Variants in SDR42E1 observed in about 807,000 individuals in gnomAD.
SDR42E1 encodes short chain dehydrogenase/reductase family 42E, member 1.
In SDR42E1, 5 loss-of-function variants were observed where a neutral mutation model predicts 2.6. That is an observed-to-expected ratio of 1.94 (90% CI 1.01 to 4.08). The LOEUF is 4.08. SDR42E1 is among the 30% of genes most tolerant of loss of function. The pLI is 0.00. For synonymous variants in SDR42E1, 231 were observed against 188.3 expected (o/e 1.23, Z -1.86); for missense variants, 596 against 478.6 (o/e 1.25, Z -2.29).
Position 82,001,706 on chromosome 16 carries a change from T to C in SDR42E1, c.-26-822A>G, listed in dbSNP as rs550744225. 1.2e-3 allele frequency among the ~76,000 whole-genome samples: 179 copies of C among 151,838 alleles called. 2 individuals are homozygous for C. The highest frequency in any genetic ancestry group is 4.2e-3 in the African/African-American group (173 of 41,388). On this transcript the variant is annotated intron_variant, in intron 1 of 2. Coordinates refer to ENST00000328945, the MANE Select transcript of SDR42E1 (RefSeq NM_145168.3). ...TCATGAGGTCAGGAGATCGAGACCA[T>C]CCTGACTAACACGGTGAAACCCCGT...
rs1048372696 is a variant in SDR42E1 at position 81,989,274 on chromosome 16, C to G, written c.*9837G>C. The G allele has an allele frequency of 6.6e-6, 1 of 152,032 alleles. No individual in the cohort carries two copies. Among genetic ancestry groups the G allele is most frequent in the East Asian group, 1.9e-4 (1 of 5,190 alleles). 9.4% of individuals were successfully genotyped at this position (152,032 alleles called of 1,614,324 possible). On this transcript the variant is annotated 3_prime_UTR_variant, in exon 3 of 3. Transcript: ENST00000328945. The stretch of plus-strand genomic sequence containing the variant: ...CATGCTGTACTATTGAGTGAGAAAC[C>G]GTAGTAGCAGAAGGAACTGTGAGGT...
chr16:82,002,072 T>A (rs1912786988), intron 1 of SDR42E1, among the ~76,000 whole-genome samples: 1 of 151,944 alleles, frequency 6.6e-6, no homozygotes, highest in African/African-American at 2.4e-5. Flanking sequence ...AGCCCTACCA[T>A]TTCTCTTTCC....
At chr16:82,010,055 C>T (rs1477112607) in intron 1 of SDR42E1, among the ~76,000 whole-genome samples, 1 of 152,238 alleles carries the variant, frequency 6.6e-6, no homozygotes, top group Non-Finnish European at 1.5e-5. Context: ...GACTTTGCTC[C>T]TCTTTTGCCT....
chr16:81,993,270 G>C lies in SDR42E1; in HGVS notation c.*5841C>G, dbSNP rs1370481019. On this transcript the variant is annotated 3_prime_UTR_variant, in exon 3 of 3. Transcript: ENST00000328945. ...TCAGGAGCCTCTCAGCATCTTGCAA[G>C]GGAGCCAGTGTTTAGTATCTGGCAC... 6.6e-6 allele frequency: 1 copy of C among 152,216 alleles called. No individual in the cohort carries two copies. Among genetic ancestry groups the C allele is most frequent in the Non-Finnish European group, 1.5e-5 (1 of 68,060 alleles). The allele number at this position is 152,216 out of a possible 1,614,324, so 9.4% of individuals were successfully genotyped here.
chr16:82,008,815 G>C (rs1913032819), intron 1 of SDR42E1, among the ~76,000 whole-genome samples: 1 of 152,182 alleles, frequency 6.6e-6, no homozygotes, highest in African/African-American at 2.4e-5. Context: ...CAAGACAATG[G>C]GGAAAATGTC....
chr16:82,003,147 T>C (rs1912822586), intron 1 of SDR42E1, among the ~76,000 whole-genome samples: 1 of 152,186 alleles, frequency 6.6e-6, no homozygotes. Context: ...TGAGAAATAC[T>C]AGGGAAACTG....
rs1912482103 is a variant in SDR42E1 at position 81,993,829 on chromosome 16, TTAAAGG to T, written c.*5276_*5281del. 1 of 152,220 alleles carries T rather than the reference TTAAAGG, an allele frequency of 6.6e-6. No individual in the cohort carries two copies. Among genetic ancestry groups the T allele is most frequent in the African/African-American group, 2.4e-5 (1 of 41,460 alleles). 9.4% of individuals were successfully genotyped at this position (152,220 alleles called of 1,614,324 possible). ...AAAACAAGAGTTTGAACTACTCTGC[TTAAAGG>T]TATGTTGGTGCCAAATATACATGAT... is the stretch of plus-strand genomic sequence containing the variant. On this transcript the variant is annotated 3_prime_UTR_variant, in exon 3 of 3. Transcript: ENST00000328945.
rs181024735 is a variant in SDR42E1 at position 82,000,974 on chromosome 16, C to A, written c.-26-90G>T. 3.7e-5 allele frequency: 29 copies of A among 783,672 alleles called. No homozygotes were observed. In the South Asian group the frequency reaches 4.7e-4, roughly 13 times the overall value. 48.5% of individuals were successfully genotyped at this position (783,672 alleles called of 1,614,324 possible). A position where few individuals can be genotyped will look rare whatever the true frequency, so the allele number is the denominator to read the frequency against. ...ACCTAACAAAAACAAAAAGTCAATA[C>A]GCTGTAGTAGAATGAAAAGGTGAGG... On this transcript the variant is annotated intron_variant, in intron 1 of 2. Coordinates refer to ENST00000328945, the MANE Select transcript of SDR42E1 (RefSeq NM_145168.3).
chr16:82,003,029 A>T lies in SDR42E1; in HGVS notation c.-26-2145T>A, dbSNP rs527812486. On this transcript the variant is annotated intron_variant, in intron 1 of 2. Coordinates refer to ENST00000328945, the MANE Select transcript of SDR42E1 (RefSeq NM_145168.3). ...TGAATACCTGTGTGAGTGTATTAAG[A>T]CTGCCAATGAAGCGAATCAGATCAC... is the stretch of plus-strand genomic sequence containing the variant. Among the ~76,000 whole-genome samples, 16 of 152,314 alleles carry T rather than the reference A, an allele frequency of 1.1e-4. No individual in the cohort carries two copies. In the South Asian group the frequency reaches 1.9e-3, roughly 18 times the overall value.
chr16:81,999,807 C>A lies in SDR42E1; in HGVS notation c.486G>T (p.Lys162Asn). 1 of 1,614,204 alleles carries A rather than the reference C, an allele frequency of 6.2e-7. No individual in the cohort carries two copies. The highest frequency in any genetic ancestry group is 8.5e-7 in the Non-Finnish European group (1 of 1,180,036). The change falls in exon 3 of 3, where the codon AAG (lysine) becomes AAT (asparagine). Residue 162 changes from lysine (K) to asparagine (N), a missense_variant. Lys to Asn is a moderately conservative substitution (Grantham distance 94). Coordinates refer to ENST00000328945, the MANE Select transcript of SDR42E1 (RefSeq NM_145168.3). Reference protein sequence around the residue: ...YSRTKSIAEQKVLEANATPLD... With the variant: ...YSRTKSIAEQNVLEANATPLD... ...GGGGTGTAGCATTCGCCTCCAGCAC[C>A]TTCTGCTCTGCAATTGACTTTGTCC...
intron 1 of SDR42E1, among the ~76,000 whole-genome samples, chr16:82,001,642 C>G (rs1179669792): frequency 6.6e-6 from 1 of 152,096 alleles, no homozygotes; most frequent in Non-Finnish European, 1.5e-5. Context: ...GTGGCTCACA[C>G]TTGTAATCCC....
Position 81,993,947 on chromosome 16 carries a change from A to G in SDR42E1, c.*5164T>C, listed in dbSNP as rs1220226956. The G allele has an allele frequency of 1.3e-5, 2 of 152,186 alleles. No individual in the cohort carries two copies. Among genetic ancestry groups the G allele is most frequent in the Non-Finnish European group, 2.9e-5 (2 of 68,030 alleles). 9.4% of individuals were successfully genotyped at this position (152,186 alleles called of 1,614,324 possible). On this transcript the variant is annotated 3_prime_UTR_variant, in exon 3 of 3. Transcript: ENST00000328945. The stretch of plus-strand genomic sequence containing the variant: ...GAAAAACTCCAGCAAATGTTAAATT[A>G]CCCAGGGACCAAAAGACGACCCCCG...
intron 1 of SDR42E1, among the ~76,000 whole-genome samples, chr16:82,010,882 C>T (rs1913103914): frequency 6.6e-6 from 1 of 152,222 alleles, no homozygotes; most frequent in African/African-American, 2.4e-5. Context: ...GGGCTCACTC[C>T]ACCTCCACAA....
At position 81,991,489 on chromosome 16, in the gene SDR42E1, A is replaced by T. The variant is rs186383923; in HGVS notation, c.*7622T>A. On this transcript the variant is annotated 3_prime_UTR_variant, in exon 3 of 3. Coordinates refer to ENST00000328945, the MANE Select transcript of SDR42E1 (RefSeq NM_145168.3). ...CCCAGCACTTTGGGAGGCCGAGGCA[A>T]GAGGATTGCTTGGGGCAAGGAATTC... 1.1e-4 allele frequency: 16 copies of T among 152,234 alleles called. No individual in the cohort carries two copies. The highest frequency in any genetic ancestry group is 3.9e-4 in the African/African-American group (16 of 41,502). 9.4% of individuals were successfully genotyped at this position (152,234 alleles called of 1,614,324 possible).
At chr16:82,005,267 C>T (rs1013765471) in intron 1 of SDR42E1, among the ~76,000 whole-genome samples, 1 of 152,204 alleles carries the variant, frequency 6.6e-6, no homozygotes, top group Non-Finnish European at 1.5e-5. Flanking sequence ...AGTGATGCTA[C>T]TCCATTACCT....
chr16:82,002,007 A>G (rs986877203), intron 1 of SDR42E1, among the ~76,000 whole-genome samples: 2 of 144,416 alleles, frequency 1.4e-5, no homozygotes, highest in Non-Finnish European at 2.9e-5. Context: ...CCTGTGCTCA[A>G]GTCAACAGAG....
chr16:82,002,672 T>C (rs778051490), intron 1 of SDR42E1, among the ~76,000 whole-genome samples: 1 of 152,094 alleles, frequency 6.6e-6, no homozygotes, highest in Non-Finnish European at 1.5e-5. Context: ...TAAAACACAG[T>C]CTTAAATGAA....
Position 81,997,069 on chromosome 16 carries a change from T to G in SDR42E1, c.*2042A>C, listed in dbSNP as rs1239716283. ...TGAGCAGAAGCTCACAGTGGAGAAC[T>G]TACCTCAGAGATTTGTGGGTGTGGC... On this transcript the variant is annotated 3_prime_UTR_variant, in exon 3 of 3. Coordinates refer to ENST00000328945, the MANE Select transcript of SDR42E1 (RefSeq NM_145168.3). 3 of 152,212 alleles carry G rather than the reference T, an allele frequency of 2.0e-5. 1 individual carries two copies. The highest frequency in any genetic ancestry group is 2.0e-4 in the Admixed American group (3 of 15,270). 9.4% of individuals were successfully genotyped at this position (152,212 alleles called of 1,614,324 possible). A position where few individuals can be genotyped will look rare whatever the true frequency, so the allele number is the denominator to read the frequency against.
chr16:82,009,021 G>C (rs1040831601), intron 1 of SDR42E1, among the ~76,000 whole-genome samples: 3 of 152,172 alleles, frequency 2.0e-5, no homozygotes, highest in African/African-American at 7.2e-5. Flanking sequence ...GGCTTCAGAG[G>C]GTGCAAGCCC....
Sources: allele counts gnomAD v4.1 joint callset (sites outside exome capture counted in the v4.1 genomes callset), GRCh38; gene constraint gnomAD v4.1.1; transcripts MANE v1.5; gene names NCBI Gene and HGNC (gene_info 2026-07-23, HGNC 2026-07-21).